ANKRD17: variants seen among roughly 807,000 people sequenced by gnomAD.
The protein encoded by ANKRD17 is ankyrin repeat domain 17.
A neutral mutation model predicts 229.7 loss-of-function variants in ANKRD17; 19 were observed. The ratio of observed to expected loss-of-function variants is 0.08; its 90% CI spans 0.06 to 0.12. The LOEUF (loss-of-function observed/expected upper bound fraction) is 0.12, where lower values mean the gene tolerates loss of function less well. ANKRD17 is among the 10% of genes least tolerant of loss of function. The probability of loss-of-function intolerance (pLI) is 1.00; values close to 1 mark genes in which losing one functional copy is unlikely to be tolerated. For missense variants in ANKRD17, 2,176 were observed against 3,176.8 expected (o/e 0.68, Z 7.57); for synonymous variants, 1,112 against 1,146.1 (o/e 0.97, Z 0.60).
At chr4:73,179,696 G>A (rs1413856614) in intron 1 of ANKRD17, among the ~76,000 whole-genome samples, 3 of 150,816 alleles carry the variant, frequency 2.0e-5, no homozygotes, top group Non-Finnish European at 4.4e-5. Flanking sequence ...GAATTCCTGG[G>A]CTCAAGTGAT....
chr4:73,143,855 C>A (rs1024807668), intron 11 of ANKRD17, among the ~76,000 whole-genome samples: 1 of 152,096 alleles, frequency 6.6e-6, no homozygotes, highest in Non-Finnish European at 1.5e-5. Flanking sequence ...CTTCTCCTAC[C>A]TCAGCCTCCC....
At chr4:73,085,522 G>C in intron 29 of ANKRD17, 76 bp from the exon 30 acceptor site, 1 of 1,258,344 alleles carries the variant, frequency 7.9e-7, no homozygotes, top group Non-Finnish European at 1.1e-6. Context: ...ATTCTAAAAG[G>C]CCCTAAATAT....
intron 7 of ANKRD17, among the ~76,000 whole-genome samples, chr4:73,149,721 G>C (rs902991345): frequency 3.9e-5 from 6 of 151,966 alleles, no homozygotes; most frequent in Non-Finnish European, 7.4e-5. Context: ...ACAAAAATTA[G>C]CCAGGCGTGG....
chr4:73,117,239 A>G (rs535844547), intron 22 of ANKRD17, among the ~76,000 whole-genome samples: 1 of 152,284 alleles, frequency 6.6e-6, no homozygotes, highest in East Asian at 1.9e-4. Context: ...TGGGCATTCT[A>G]TGAGATGAGA....
At position 73,091,185 on chromosome 4, in the gene ANKRD17, G is replaced by A. The variant is rs372767909; in HGVS notation, c.6443C>T (p.Ala2148Val). 293 of 1,614,038 alleles carry A rather than the reference G, an allele frequency of 1.8e-4. No homozygotes were observed. The highest frequency in any genetic ancestry group is 3.0e-4 in the Admixed American group (18 of 59,988). Residue 2148 changes from alanine (A) to valine (V), a missense_variant, in exon 29 of 34, where the codon GCG becomes GTG. Physicochemically the swap from Ala to Val is moderately conservative, Grantham distance 64. Transcript: ENST00000358602. ...AGTCACTGGGGCAGTAGAAGGCACC[G>A]CCACTGGAGCAGAACTTGTTGCTAA... ...PPLATSSAPV[A>V]VPSTAPVTYP...
chr4:73,112,707 A>G (rs779424175), intron 24 of ANKRD17: 34 of 768,530 alleles, frequency 4.4e-5, no homozygotes, highest in Non-Finnish European at 5.2e-5. Flanking sequence ...CAAAAAACGC[A>G]TATGCATAAT....
chr4:73,074,850 G>A lies in ANKRD17; in HGVS notation c.*1381C>T, dbSNP rs1720906229. 6.6e-6 allele frequency: 1 copy of A among 152,282 alleles called. No homozygotes were observed. The highest frequency in any genetic ancestry group is 2.4e-5 in the African/African-American group (1 of 41,352). The allele number at this position is 152,282 out of a possible 1,614,324, so 9.4% of individuals were successfully genotyped here. On this transcript the variant is annotated 3_prime_UTR_variant, in exon 34 of 34. Transcript: ENST00000358602. ...TCAACCATATAATTAATTTTTCCAT[G>A]AGACAGGGTAGGACACATAATCTTC...
Position 73,139,775 on chromosome 4 carries a change from C to G in ANKRD17, c.2841G>C (p.Gln947His). ...GAGGCTGGATTGGCGCAAAACCCATCTGAGCAGCAGTCTGCTGGGGTTCAT... is the reference window on the plus strand; with the variant it reads ...GAGGCTGGATTGGCGCAAAACCCATGTGAGCAGCAGTCTGCTGGGGTTCAT... ...LKDEPQQTAAQMGFAPIQPLA... is the reference protein window; with the variant it reads ...LKDEPQQTAAHMGFAPIQPLA... Residue 947 changes from glutamine (Q) to histidine (H), a missense_variant, in exon 15 of 34, where the codon CAG (glutamine) becomes CAC (histidine). By Grantham distance (24) the Gln-to-His change is conservative (BLOSUM62 0). Around this residue, in one of 18 missense-constraint regions of ANKRD17, gnomAD observed 230 missense variants for 252.3 expected, o/e 0.91. Coordinates refer to ENST00000358602, the MANE Select transcript of ANKRD17 (RefSeq NM_032217.5). The G allele has an allele frequency of 1.2e-6, 2 of 1,614,210 alleles. No individual in the cohort carries two copies. The highest frequency in any genetic ancestry group is 1.3e-5 in the African/African-American group (1 of 75,046).
intron 3 of ANKRD17, among the ~76,000 whole-genome samples, chr4:73,159,840 T>C (rs1055326197): frequency 5.3e-5 from 8 of 152,102 alleles, no homozygotes; most frequent in Non-Finnish European, 1.0e-4. Context: ...AGTCAACCTA[T>C]GAGAAGAATG....
At chr4:73,238,059 T>G (rs1743667563) in intron 1 of ANKRD17, among the ~76,000 whole-genome samples, 1 of 151,100 alleles carries the variant, frequency 6.6e-6, no homozygotes, top group Admixed American at 6.6e-5. Context: ...TTAATAGAAT[T>G]AGAAATTTAA....
At chr4:73,118,143 A>T (rs1463463252) in intron 22 of ANKRD17, among the ~76,000 whole-genome samples, 1 of 152,044 alleles carries the variant, frequency 6.6e-6, no homozygotes, top group East Asian at 1.9e-4. Context: ...CAGCCTCCTG[A>T]GTAGCTGGGA....
intron 24 of ANKRD17, chr4:73,113,222 G>A (rs1261388288): frequency 9.3e-6 from 12 of 1,288,754 alleles, no homozygotes; most frequent in Non-Finnish European, 1.0e-5. Flanking sequence ...GAAAAGGGAA[G>A]TGAAGAAGCT....
chr4:73,149,342 C>A (rs771762225), intron 7 of ANKRD17, among the ~76,000 whole-genome samples: 2 of 151,868 alleles, frequency 1.3e-5, no homozygotes, highest in Non-Finnish European at 2.9e-5. Flanking sequence ...AAATAAGAGA[C>A]TATAGTGAGA....
At chr4:73,094,726 A>G (rs950803807) in intron 27 of ANKRD17, among the ~76,000 whole-genome samples, 14 of 149,672 alleles carry the variant, frequency 9.4e-5, no homozygotes, top group Middle Eastern at 3.3e-3. Context: ...ATATATGTGT[A>G]TATATATATA....
At chr4:73,184,543 A>G (rs1187230483) in intron 1 of ANKRD17, among the ~76,000 whole-genome samples, 1 of 150,606 alleles carries the variant, frequency 6.6e-6, no homozygotes, top group Admixed American at 6.6e-5. Flanking sequence ...AAAAAAAAAA[A>G]AAAAAAAAAA....
At chr4:73,120,415 A>G in intron 20 of ANKRD17, 78 bp from the exon 21 acceptor site, 2 of 1,346,134 alleles carry the variant, frequency 1.5e-6, no homozygotes, top group South Asian at 1.4e-5. Flanking sequence ...TAACAACTTG[A>G]AGAAGGAATA....
intron 8 of ANKRD17, among the ~76,000 whole-genome samples, chr4:73,148,485 C>G (rs958462999): frequency 1.3e-5 from 2 of 152,150 alleles, no homozygotes; most frequent in Admixed American, 1.3e-4. Flanking sequence ...ATTCCGCCCC[C>G]AAAGGAATAC....
intron 23 of ANKRD17, 86 bp from the exon 24 acceptor site, chr4:73,113,994 G>T: frequency 1.1e-6 from 1 of 947,734 alleles, no homozygotes; most frequent in South Asian, 1.5e-5. Context: ...TCTTTAGTAA[G>T]GTACTCAAAC....
chr4:73,077,741 A>G (rs9998858), intron 31 of ANKRD17, among the ~76,000 whole-genome samples: 4,763 of 149,128 alleles, frequency 0.032, 221 homozygotes, highest in African/African-American at 0.11. Flanking sequence ...GTTATAAAAC[A>G]AAAGAAAAAA....
Sources: allele counts gnomAD v4.1 joint callset (sites outside exome capture counted in the v4.1 genomes callset), GRCh38; gene constraint gnomAD v4.1.1; regional missense constraint gnomAD v4.1.1; transcripts MANE v1.5; gene names NCBI Gene and HGNC (gene_info 2026-07-23, HGNC 2026-07-21).